The following TUBA3C variants were observed in gnomAD, a reference collection of about 807,000 sequenced individuals.
TUBA3C encodes tubulin alpha 3c.
Under a neutral mutation model 33.4 loss-of-function variants are expected in TUBA3C, and 23 were observed. That is an observed-to-expected ratio of 0.69 (90% CI 0.50 to 0.98). The LOEUF is 0.98. Ranked by LOEUF, TUBA3C falls within the 50% of genes least tolerant of loss-of-function variation. The pLI is 0.00. For synonymous variants in TUBA3C, 269 were observed against 250.4 expected, an observed-to-expected ratio of 1.07 and a Z score of -0.70; for missense variants, 402 against 616.0, an observed-to-expected ratio of 0.65 and a Z score of 3.68.
At position 19,174,148 on chromosome 13, in the gene TUBA3C, G is replaced by A; in HGVS notation, c.1068C>T (p.Asn356=). 6.2e-7 allele frequency: 1 copy of A among 1,611,190 alleles called. No individual in the cohort carries two copies. The highest frequency in any genetic ancestry group is 8.5e-7 in the Non-Finnish European group (1 of 1,177,950). The stretch of plus-strand genomic sequence containing the variant: ...CAGGGACCACCGTGGGGGGCTGGTA[G>A]TTAATGCCCACCTGCCGGAGAAGAG... ...WCPTGFKVGI[N]YQPPTVVPGG... The change falls in exon 5 of 5, where the codon AAC becomes AAT. Residue 356 remains asparagine, a synonymous_variant. Transcript: ENST00000400113.
intron 4 of TUBA3C, among the ~76,000 whole-genome samples, 172 bp downstream of exon 4, chr13:19,176,755 A>AAAAAAAAAAAAAAC (rs1565970992): frequency 1.4e-5 from 2 of 147,122 alleles, no homozygotes; most frequent in Admixed American, 6.8e-5. Context: ...AAAAAAAAAA[A>AAAAAAAAAAAAAAC]AAAAGACATC....
Position 19,181,726 on chromosome 13 carries a change from G to A in TUBA3C, c.3+19C>T. 1 of 1,602,004 alleles carries A rather than the reference G, an allele frequency of 6.2e-7. No homozygotes were observed. The highest frequency in any genetic ancestry group is 8.5e-7 in the Non-Finnish European group (1 of 1,179,912). On this transcript the variant is annotated intron_variant, in intron 1 of 4. Coordinates refer to ENST00000400113, the MANE Select transcript of TUBA3C (RefSeq NM_006001.3). The stretch of plus-strand genomic sequence containing the variant: ...CCTCCAGCCTGGGCGTCTGCGGGGT[G>A]GGAGTGACCTGGCCTTACCATGTTG...
intron 4 of TUBA3C, among the ~76,000 whole-genome samples, chr13:19,175,476 C>T (rs1869146232): frequency 6.6e-6 from 1 of 152,112 alleles, no homozygotes; most frequent in South Asian, 2.1e-4. Flanking sequence ...CTGTGCTTTC[C>T]CTGCTGCCTC....
At chr13:19,180,534 C>CCAGA (rs960278941) in intron 1 of TUBA3C, among the ~76,000 whole-genome samples, 22 of 151,192 alleles carry the variant, frequency 1.5e-4, no homozygotes, top group African/African-American at 5.1e-4. Flanking sequence ...CAGAGTCTTG[C>CCAGA]TCTGTCACCC....
chr13:19,178,290 C>T lies in TUBA3C; in HGVS notation c.331G>A (p.Gly111Ser), dbSNP rs140107190. The T allele has an allele frequency of 7.4e-6, 12 of 1,614,036 alleles. No individual in the cohort carries two copies. The African/African-American group carries it at 1.1e-4, about 14-fold the overall frequency. Residue 111 changes from glycine (G) to serine (S), a missense_variant, in exon 3 of 5, where the codon GGC (glycine) becomes AGC (serine). By Grantham distance (56) the Gly-to-Ser change is moderately conservative. Transcript: ENST00000400113. ...AGGACCAGGTCGACGATCTCCTTGCCGATGGTGTAATGGCCTCTGGCGTAA... is the reference window on the plus strand; with the variant it reads ...AGGACCAGGTCGACGATCTCCTTGCTGATGGTGTAATGGCCTCTGGCGTAA... ...NNYARGHYTI[G>S]KEIVDLVLDR...
At chr13:19,180,688 G>T (rs758951273) in intron 1 of TUBA3C, among the ~76,000 whole-genome samples, 68 of 151,872 alleles carry the variant, frequency 4.5e-4, no homozygotes, top group Admixed American at 3.5e-3. Context: ...GTAGAGATGG[G>T]GTTTCACCGT....
rs1281424217 is a variant in TUBA3C, at chr13:19,178,271, A to T, written c.350T>A (p.Leu117Gln). 1 of 1,614,114 alleles carries T rather than the reference A, an allele frequency of 6.2e-7. No individual in the cohort carries two copies. Reference sequence around the variant, plus strand: ...CAGTTTGCGGATCCGGTCCAGGACCAGGTCGACGATCTCCTTGCCGATGGT... The same window carrying T: ...CAGTTTGCGGATCCGGTCCAGGACCTGGTCGACGATCTCCTTGCCGATGGT... ...HYTIGKEIVD[L>Q]VLDRIRKLAD... Residue 117 changes from leucine (L) to glutamine (Q), a missense_variant, in exon 3 of 5, where the codon CTG becomes CAG. Coordinates refer to ENST00000400113, the MANE Select transcript of TUBA3C (RefSeq NM_006001.3).
intron 4 of TUBA3C, among the ~76,000 whole-genome samples, chr13:19,176,077 C>T (rs916874294): frequency 1.1e-4 from 17 of 152,220 alleles, no homozygotes; most frequent in Admixed American, 1.1e-3. Flanking sequence ...CTGTGATCAC[C>T]ACACTGCACT....
At position 19,173,820 on chromosome 13, in the gene TUBA3C, G is replaced by A. The variant is rs756389311; in HGVS notation, c.*43C>T. On this transcript the variant is annotated 3_prime_UTR_variant, in exon 5 of 5. Transcript: ENST00000400113. ...TTGCAAAGAACTTGAAAGCAGCCAC[G>A]CTGGGGGTGGCAGTGGAGTGGAGAA... 19 of 1,581,750 alleles carry A rather than the reference G, an allele frequency of 1.2e-5. No homozygotes were observed. Among genetic ancestry groups the A allele is most frequent in the East Asian group, 4.5e-5 (2 of 44,550 alleles).
Position 19,179,265 on chromosome 13 carries a change from G to A in TUBA3C, c.226+76C>T, listed in dbSNP as rs999438998. On this transcript the variant is annotated intron_variant, in intron 2 of 4. Transcript: ENST00000400113. ...ATACCTTCTGCAGGAGGATTCAAAG[G>A]AGCCCACATGGGGCCTTACCGACGA... is the stretch of plus-strand genomic sequence containing the variant. 26 of 1,582,510 alleles carry A rather than the reference G, an allele frequency of 1.6e-5. No homozygotes were observed. In the African/African-American group the frequency reaches 2.6e-4, roughly 16 times the overall value.
chr13:19,173,888 T>A lies in TUBA3C; in HGVS notation c.1328A>T (p.Glu443Val). 1.2e-6 allele frequency: 2 copies of A among 1,613,044 alleles called. No homozygotes were observed. Among genetic ancestry groups the A allele is most frequent in the Non-Finnish European group, 8.5e-7 (1 of 1,179,206 alleles). The change falls in exon 5 of 5, where the codon GAG becomes GTG. Residue 443 changes from glutamate to valine, a missense_variant. Glu to Val is a moderately radical substitution (Grantham distance 121). Coordinates refer to ENST00000400113, the MANE Select transcript of TUBA3C (RefSeq NM_006001.3). ...EEVGVDSVEA[E>V]AEEGEEY ...TCAGTATTCTTCACCTTCTTCAGCCTCGGCTTCCACGGAATCCACGCCCAC... is the reference window on the plus strand; with the variant it reads ...TCAGTATTCTTCACCTTCTTCAGCCACGGCTTCCACGGAATCCACGCCCAC...
rs200645042 is a variant in TUBA3C, at chr13:19,179,417, G to A, written c.150C>T (p.Asn50=). ...KTIGGGDDSF[N]TFFSETGAGK... is the part of the protein sequence containing the mutation. ...CAGCTCCAGTCTCACTGAAGAACGT[G>A]TTGAAGGAGTCGTCCCCACCACCAA... The change falls in exon 2 of 5, where the codon AAC becomes AAT. Residue 50 remains asparagine (N), a synonymous_variant. Coordinates refer to ENST00000400113, the MANE Select transcript of TUBA3C (RefSeq NM_006001.3). 6.6e-5 allele frequency: 107 copies of A among 1,614,036 alleles called. No individual in the cohort carries two copies. The East Asian group carries it at 1.5e-3, about 23-fold the overall frequency.
chr13:19,175,355 G>A (rs1221622004), intron 4 of TUBA3C, among the ~76,000 whole-genome samples: 1 of 152,228 alleles, frequency 6.6e-6, no homozygotes, highest in Non-Finnish European at 1.5e-5. Context: ...CACAAAATCT[G>A]TCCCCACCTT....
At position 19,176,725 on chromosome 13, in the gene TUBA3C, C is replaced by CAAAAAAAAAAAAAAAAAA. The variant is rs55746544; in HGVS notation, c.1056+184_1056+201dup. ...TGGGCGACAAAGCTAGACTCTGCCTCAAAAAAAAAAAAAAAAAAAAAAAAA... is the reference window on the plus strand; with the variant it reads ...TGGGCGACAAAGCTAGACTCTGCCTCAAAAAAAAAAAAAAAAAAAAAAAAAAAAAAAAAAAAAAAAAAA... On this transcript the variant is annotated intron_variant, in intron 4 of 4. Coordinates refer to ENST00000400113, the MANE Select transcript of TUBA3C (RefSeq NM_006001.3). Among the ~76,000 whole-genome samples the CAAAAAAAAAAAAAAAAAA allele has an allele frequency of 5.5e-4, 19 of 34,608 alleles. 4 individuals are homozygous for CAAAAAAAAAAAAAAAAAA. Among genetic ancestry groups the CAAAAAAAAAAAAAAAAAA allele is most frequent in the Non-Finnish European group, 9.9e-4 (16 of 16,100 alleles). 22.7% of individuals were successfully genotyped at this position (34,608 alleles called of 152,430 possible).
chr13:19,178,488 C>G (rs1869283702), intron 2 of TUBA3C, 94 bp from the exon 3 acceptor site: 1 of 1,519,226 alleles, frequency 6.6e-7, no homozygotes. Flanking sequence ...AAAGTACATG[C>G]TGTTCAAAGT....
rs371362465 is a variant in TUBA3C, at chr13:19,177,148, C to T, written c.835G>A (p.Glu279Lys). 9.0e-5 allele frequency: 145 copies of T among 1,614,040 alleles called. No individual in the cohort carries two copies. The highest frequency in any genetic ancestry group is 4.9e-4 in the Middle Eastern group (3 of 6,062). ...LATYAPVISA[E>K]KAYHEQLSVA... is the part of the protein sequence containing the mutation. ...GACAGCTGCTCGTGGTAGGCCTTCT[C>T]GGCTGAGATGACCGGGGCGTAGGTG... The change falls in exon 4 of 5, where the codon GAG (glutamate) becomes AAG (lysine). Residue 279 changes from glutamate to lysine, a missense_variant. Coordinates refer to ENST00000400113, the MANE Select transcript of TUBA3C (RefSeq NM_006001.3). The surrounding 1 kb of genome is among the most constrained non-coding windows in gnomAD (Gnocchi z 5.0).
intron 4 of TUBA3C, among the ~76,000 whole-genome samples, chr13:19,175,457 G>A (rs561720000): frequency 7.0e-4 from 106 of 152,232 alleles, no homozygotes; most frequent in African/African-American, 2.3e-3. Flanking sequence ...GGGCCTGTGC[G>A]TTCTTGTGCT....
intron 1 of TUBA3C, among the ~76,000 whole-genome samples, chr13:19,180,975 AAAAG>A (rs1410198805): frequency 1.3e-5 from 2 of 151,800 alleles, no homozygotes; most frequent in Admixed American, 6.6e-5. Flanking sequence ...AAAAAAAAAA[AAAAG>A]ATACTTGACA....
Position 19,177,182 on chromosome 13 carries a change from G to A in TUBA3C, c.801C>T (p.Phe267=), listed in dbSNP as rs1869222521. ...TNLVPYPRIH[F]PLATYAPVIS... is the part of the protein sequence containing the mutation. The stretch of plus-strand genomic sequence containing the variant: ...TGACCGGGGCGTAGGTGGCCAGGGG[G>A]AAGTGGATGCGGGGGTACGGCACTA... Residue 267 remains phenylalanine, a synonymous_variant, in exon 4 of 5, where the codon TTC becomes TTT. Transcript: ENST00000400113. This position sits in a 1 kb window ranked among gnomAD's most constrained non-coding sequence, Gnocchi z 5.0. 6.2e-7 allele frequency: 1 copy of A among 1,614,136 alleles called. No homozygotes were observed. The highest frequency in any genetic ancestry group is 1.1e-5 in the South Asian group (1 of 91,082).
Sources: allele counts gnomAD v4.1 joint callset (sites outside exome capture counted in the v4.1 genomes callset), GRCh38; gene constraint gnomAD v4.1.1; non-coding constraint Gnocchi (gnomAD v3.1); transcripts MANE v1.5; gene names NCBI Gene and HGNC (gene_info 2026-07-23, HGNC 2026-07-21).